The following NAA16 variants were observed in gnomAD, a reference collection of about 807,000 sequenced individuals.
NAA16 encodes NARG1-like protein.
NAA16 carries 97 observed loss-of-function variants against 110.3 expected under a neutral mutation model. That is an observed-to-expected ratio of 0.88 (90% CI 0.75 to 1.04). The LOEUF (loss-of-function observed/expected upper bound fraction) is 1.04, where lower values mean the gene tolerates loss of function less well. Ranked by LOEUF, NAA16 falls within the 50% of genes least tolerant of loss-of-function variation. NAA16 has a pLI of 0.00. For missense variants in NAA16, 1,017 were observed against 1,005.1 expected (o/e 1.01, Z -0.16); for synonymous variants, 372 against 330.6 (o/e 1.13, Z -1.36).
chr13:41,316,653 G>T (rs2139366440), intron 1 of NAA16, among the ~76,000 whole-genome samples, 193 bp from the exon 2 acceptor site: 1 of 152,076 alleles, frequency 6.6e-6, no homozygotes, highest in East Asian at 1.9e-4. Flanking sequence ...TTATAAAAAT[G>T]AAAATATGTA....
intron 9 of NAA16, among the ~76,000 whole-genome samples, chr13:41,337,863 T>G (rs2042423372): frequency 6.6e-6 from 1 of 152,194 alleles, no homozygotes; most frequent in South Asian, 2.1e-4. Flanking sequence ...TATAGCTGAT[T>G]GGCATTTTCC....
At chr13:41,350,832 C>T (rs2042817749) in intron 9 of NAA16, among the ~76,000 whole-genome samples, 1 of 151,916 alleles carries the variant, frequency 6.6e-6, no homozygotes, top group African/African-American at 2.4e-5. Context: ...ACCATGTTGC[C>T]CAGGCTGGTC....
chr13:41,335,100 T>C (rs2042344959), intron 8 of NAA16, among the ~76,000 whole-genome samples: 1 of 152,230 alleles, frequency 6.6e-6, no homozygotes, highest in Non-Finnish European at 1.5e-5. Flanking sequence ...ACTGAGAAAG[T>C]TGACCAAGGA....
chr13:41,354,816 C>CT (rs1351384459), intron 9 of NAA16, among the ~76,000 whole-genome samples: 1 of 148,958 alleles, frequency 6.7e-6, no homozygotes, highest in African/African-American at 2.5e-5. Flanking sequence ...AATCATTTCA[C>CT]TTTTTTGCAA....
At chr13:41,370,072 G>C (rs1016995587) in intron 15 of NAA16, among the ~76,000 whole-genome samples, 9 of 152,164 alleles carry the variant, frequency 5.9e-5, no homozygotes, top group Non-Finnish European at 1.5e-5. Flanking sequence ...AGTGTTAATA[G>C]TTGTTTTGGG....
intron 13 of NAA16, among the ~76,000 whole-genome samples, chr13:41,365,274 A>G (rs914187225): frequency 6.6e-6 from 1 of 152,190 alleles, no homozygotes; most frequent in African/African-American, 2.4e-5. Context: ...TAGTGGTTAC[A>G]TGAATCTACA....
chr13:41,358,320 A>T lies in NAA16; in HGVS notation c.1104A>T (p.Glu368Asp), dbSNP rs1282728060. 2 of 1,613,116 alleles carry T rather than the reference A, an allele frequency of 1.2e-6. No individual in the cohort carries two copies. Among genetic ancestry groups the T allele is most frequent in the Non-Finnish European group, 1.7e-6 (2 of 1,179,536 alleles). The change falls in exon 11 of 20, where the codon GAA becomes GAT. Residue 368 changes from glutamate (E) to aspartate (D), a missense_variant. Coordinates refer to ENST00000379406, the MANE Select transcript of NAA16 (RefSeq NM_024561.5). ...FFSPYENGEK[E>D]PPTTLLWVQY... ...TGATTGCAGAGAATGGGGAGAAGGA[A>T]CCCCCGACAACACTACTCTGGGTTC...
Position 41,369,266 on chromosome 13 carries a change from C to T in NAA16, c.1930C>T (p.Pro644Ser). The T allele has an allele frequency of 6.4e-7, 1 of 1,567,414 alleles. No homozygotes were observed. The highest frequency in any genetic ancestry group is 8.6e-7 in the Non-Finnish European group (1 of 1,167,226). Residue 644 changes from proline to serine, a missense_variant, in exon 15 of 20, where the codon CCT becomes TCT. Transcript: ENST00000379406. ...CAGTGGCCTTAAGGAAGAACTTATACCTGAAAAATTAGAAAGGGTGAGATG... is the reference window on the plus strand; with the variant it reads ...CAGTGGCCTTAAGGAAGAACTTATATCTGAAAAATTAGAAAGGGTGAGATG... ...EASGLKEELI[P>S]EKLERVENPL...
intron 17 of NAA16, 90 bp from the exon 18 acceptor site, chr13:41,373,547 C>T (rs550352436): frequency 1.2e-4 from 164 of 1,399,726 alleles, no homozygotes; most frequent in Non-Finnish European, 1.4e-4. Context: ...CGTGAGCCAC[C>T]GCGCCCAGCC....
At chr13:41,313,344 G>A (rs1186651438) in intron 1 of NAA16, among the ~76,000 whole-genome samples, 1 of 152,166 alleles carries the variant, frequency 6.6e-6, no homozygotes, top group East Asian at 1.9e-4. Context: ...ACAGATGTGA[G>A]CTACTGTGCT....
rs2041873841 is a variant in NAA16, at chr13:41,318,830, C to T, written c.164C>T (p.Thr55Ile). ...HGETLAMKGL[T>I]LNCLGKKEEA... ...GAGACTTTGGCTATGAAAGGATTAA[C>T]ACTGAACTGTTTAGGAAAAAAAGAA... Residue 55 changes from threonine to isoleucine, a missense_variant, in exon 3 of 20, where the codon ACA becomes ATA. Thr to Ile is a moderately conservative substitution (Grantham distance 89, BLOSUM62 -1). Transcript: ENST00000379406. 1.9e-6 allele frequency: 3 copies of T among 1,592,998 alleles called. No homozygotes were observed. In the East Asian group the frequency reaches 6.8e-5, roughly 36 times the overall value.
intron 17 of NAA16, 159 bp downstream of exon 17, chr13:41,372,989 C>A: frequency 1.2e-6 from 1 of 808,526 alleles, no homozygotes; most frequent in Non-Finnish European, 1.5e-6. Flanking sequence ...TGATCATGGC[C>A]CAAGCTGTCA....
Position 41,331,365 on chromosome 13 carries a change from C to T in NAA16, c.903C>T (p.Val301=). Residue 301 remains valine, a synonymous_variant, in exon 8 of 20, where the codon GTC becomes GTT. Transcript: ENST00000379406. ...CCAGAAGATTACCTTTGACTCTTGT[C>T]CCAGGTAATATTAAGATGTCTTTTA... ...ITPRRLPLTL[V]PGERFRELMD... 1.3e-6 allele frequency: 2 copies of T among 1,580,648 alleles called. No homozygotes were observed. The highest frequency in any genetic ancestry group is 1.7e-6 in the Non-Finnish European group (2 of 1,153,556).
chr13:41,331,390 A>G (rs753620400), intron 8 of NAA16, 21 bp downstream of exon 8: 6 of 1,419,650 alleles, frequency 4.2e-6, no homozygotes, highest in South Asian at 3.7e-5. Flanking sequence ...GATGTCTTTT[A>G]TAATATTAAT....
chr13:41,317,651 A>G (rs1187105250), intron 2 of NAA16, among the ~76,000 whole-genome samples: 2 of 152,246 alleles, frequency 1.3e-5, no homozygotes, highest in African/African-American at 2.4e-5. Context: ...AAGGAAATGG[A>G]AAGAAATCTT....
chr13:41,314,475 C>G (rs9566741), intron 1 of NAA16, among the ~76,000 whole-genome samples: 13,570 of 152,150 alleles, frequency 0.089, 759 homozygotes, highest in East Asian at 0.23. Flanking sequence ...CTCTCCTATC[C>G]TTATCGCAGA....
At position 41,328,836 on chromosome 13, in the gene NAA16, A is replaced by G. The variant is rs748295300; in HGVS notation, c.804A>G (p.Leu268=). ...WCYYEGLEKA[L]QISTLEERLQ... is the part of the protein sequence containing the mutation. ...ATTATGAAGGCTTGGAAAAAGCTCT[A>G]CAAATTAGTATGTAATGATTTTTCT... The change falls in exon 7 of 20, where the codon CTA becomes CTG. Residue 268 remains leucine, a synonymous_variant. Coordinates refer to ENST00000379406, the MANE Select transcript of NAA16 (RefSeq NM_024561.5). 1 of 1,598,446 alleles carries G rather than the reference A, an allele frequency of 6.3e-7. No homozygotes were observed. The highest frequency in any genetic ancestry group is 8.6e-7 in the Non-Finnish European group (1 of 1,167,470).
chr13:41,345,380 G>A (rs952143988), intron 9 of NAA16, among the ~76,000 whole-genome samples: 3 of 152,080 alleles, frequency 2.0e-5, no homozygotes, highest in Admixed American at 1.3e-4. Flanking sequence ...CATCATAGTG[G>A]GTGTGAAATG....
Position 41,320,701 on chromosome 13 carries a change from T to A in NAA16, c.279T>A (p.Asp93Glu). The A allele has an allele frequency of 2.5e-6, 4 of 1,612,068 alleles. No individual in the cohort carries two copies. Among genetic ancestry groups the A allele is most frequent in the Non-Finnish European group, 3.4e-6 (4 of 1,179,690 alleles). Residue 93 changes from aspartate (D) to glutamate (E), a missense_variant, in exon 4 of 20, where the codon GAT (aspartate) becomes GAA (glutamate). Coordinates refer to ENST00000379406, the MANE Select transcript of NAA16 (RefSeq NM_024561.5). ...TATATGGACTCTTGCAGCGTTCTGATAAAAAATATGATGAAGCTATAAAAT... is the reference window on the plus strand; with the variant it reads ...TATATGGACTCTTGCAGCGTTCTGAAAAAAAATATGATGAAGCTATAAAAT... ...WHVYGLLQRS[D>E]KKYDEAIKCY...
Sources: allele counts gnomAD v4.1 joint callset (sites outside exome capture counted in the v4.1 genomes callset), GRCh38; gene constraint gnomAD v4.1.1; transcripts MANE v1.5; gene names NCBI Gene and HGNC (gene_info 2026-07-23, HGNC 2026-07-21).